MACF1: variants seen among roughly 807,000 people sequenced by gnomAD.
MACF1 encodes the protein microtubule-actin cross-linking factor 1.
MACF1 carries 193 observed loss-of-function variants against 854.8 expected under a neutral mutation model. That is an observed-to-expected ratio of 0.23 (90% confidence interval 0.20 to 0.25). The LOEUF (loss-of-function observed/expected upper bound fraction) is 0.25. Among genes scored for constraint, MACF1 ranks in the 10% least tolerant of loss-of-function variants. The pLI, the probability that MACF1 is intolerant of heterozygous loss-of-function variation, is 1.00. For missense variants in MACF1, 7,722 were observed against 8,929.1 expected (o/e 0.86, Z 5.45); for synonymous variants, 3,185 against 3,226.7 (o/e 0.99, Z 0.44).
At chr1:39,368,126 C>A (rs2148531999) in intron 49 of MACF1, 22 bp from the exon 50 acceptor site, 3 of 1,609,862 alleles carry the variant, frequency 1.9e-6, no homozygotes, top group East Asian at 2.2e-5. Context: ...GGATTTAATA[C>A]ATTTCCTTGT....
chr1:39,458,923 T>C (rs1644495885), intron 90 of MACF1, 163 bp from the exon 91 acceptor site: 1 of 639,682 alleles, frequency 1.6e-6, no homozygotes, highest in African/African-American at 1.8e-5. Context: ...TCAGTACTTT[T>C]GGAATTAGTA....
chr1:39,449,950 C>T (rs567738338), intron 84 of MACF1, among the ~76,000 whole-genome samples: 29 of 152,164 alleles, frequency 1.9e-4, no homozygotes, highest in African/African-American at 7.0e-4. Context: ...ACCTCCATCT[C>T]CCCGGTTCAA....
chr1:39,286,170 T>G (rs1197529873), intron 14 of MACF1, among the ~76,000 whole-genome samples: 4 of 152,018 alleles, frequency 2.6e-5, no homozygotes, highest in Non-Finnish European at 5.9e-5. Flanking sequence ...CAGGCTGCCA[T>G]GCCCAGCTAA....
intron 97 of MACF1, among the ~76,000 whole-genome samples, chr1:39,477,090 T>TAC (rs10563248): frequency 0.056 from 1,469 of 26,016 alleles, 45 homozygotes; most frequent in Admixed American, 0.083. Flanking sequence ...TATATATATA[T>TAC]ACACACACAC....
chr1:39,247,502 G>C (rs1374968280), intron 2 of MACF1, among the ~76,000 whole-genome samples: 1 of 152,082 alleles, frequency 6.6e-6, no homozygotes, highest in Non-Finnish European at 1.5e-5. Flanking sequence ...CTGTACTCTT[G>C]AGGTTATGTC....
chr1:39,337,277 T>G lies in MACF1; in HGVS notation c.10161T>G (p.Ile3387Met), dbSNP rs771614786. The change falls in exon 38 of 101, where the codon ATT (isoleucine) becomes ATG (methionine). Residue 3387 changes from isoleucine (I) to methionine (M), a missense_variant. Transcript: ENST00000564288. ...ACATTGAAATGAGGACCAAACAGAT[T>G]CAACCTTTGGAGCTAAACCTGGCAG... ...LRNIEMRTKQ[I>M]QPLELNLAEL... The G allele has an allele frequency of 6.2e-7, 1 of 1,614,124 alleles. No homozygotes were observed. Among genetic ancestry groups the G allele is most frequent in the Non-Finnish European group, 8.5e-7 (1 of 1,179,994 alleles).
At chr1:39,237,576 C>T (rs1197772251) in intron 2 of MACF1, among the ~76,000 whole-genome samples, 2 of 152,104 alleles carry the variant, frequency 1.3e-5, no homozygotes, top group African/African-American at 4.8e-5. Flanking sequence ...ATTTTAACAG[C>T]TAGGGAAAAT....
chr1:39,452,703 C>G lies in MACF1; in HGVS notation c.20633C>G (p.Thr6878Arg). ...TTTCAGGCGGAAGTGTTTCGAGACA[C>G]AGTCCACATGCTGTTGGAGTGGCTT... ...ALKQAEVFRDTVHMLLEWLSE... is the reference protein window; with the variant it reads ...ALKQAEVFRDRVHMLLEWLSE... The change falls in exon 87 of 101, where the codon ACA (threonine) becomes AGA (arginine). Residue 6878 changes from threonine to arginine, a missense_variant. Thr to Arg is a moderately conservative substitution (Grantham distance 71). This residue lies in a region of MACF1 where 729 missense variants were observed against 900.5 expected (regional missense o/e 0.81). Transcript: ENST00000564288. The G allele has an allele frequency of 6.2e-7, 1 of 1,613,362 alleles. No homozygotes were observed. The highest frequency in any genetic ancestry group is 8.5e-7 in the Non-Finnish European group (1 of 1,180,018).
chr1:39,257,721 G>A, intron 5 of MACF1: 1 of 505,212 alleles, frequency 2.0e-6, no homozygotes, highest in Non-Finnish European at 3.5e-6. Context: ...AGTAGGGTTT[G>A]ATTACAAGGA....
At position 39,284,568 on chromosome 1, in the gene MACF1, C is replaced by G. The variant is rs1645609196; in HGVS notation, c.1131+140C>G. The G allele has an allele frequency of 8.4e-6, 4 of 478,306 alleles. No individual in the cohort carries two copies. The East Asian group carries it at 1.4e-4, about 17-fold the overall frequency. The allele number at this position is 478,306 out of a possible 1,614,324, so 29.6% of individuals were successfully genotyped here. A position where few individuals can be genotyped will look rare whatever the true frequency, so the allele number is the denominator to read the frequency against. On this transcript the variant is annotated intron_variant, in intron 11 of 100. Transcript: ENST00000564288. The stretch of plus-strand genomic sequence containing the variant: ...CCTGGTGACAAATAATAGCACCACT[C>G]TCAGGCTGGTCTTAAAATGTTGTGG...
intron 2 of MACF1, among the ~76,000 whole-genome samples, chr1:39,234,673 G>A (rs1156748816): frequency 8.3e-6 from 1 of 121,194 alleles, no homozygotes; most frequent in Non-Finnish European, 1.8e-5. Flanking sequence ...CCCAGACGGG[G>A]TGGCTGTCGG....
chr1:39,230,937 A>G (rs1385913033), intron 1 of MACF1, among the ~76,000 whole-genome samples: 1 of 152,172 alleles, frequency 6.6e-6, no homozygotes, highest in Admixed American at 6.5e-5. Context: ...TTATTGTGCT[A>G]AGGAGACTTT....
In MACF1 at chr1:39,388,006, A is replaced by C; in HGVS notation, c.15164A>C (p.Gln5055Pro). 3 of 1,614,164 alleles carry C rather than the reference A, an allele frequency of 1.9e-6. No individual in the cohort carries two copies. Among genetic ancestry groups the C allele is most frequent in the Non-Finnish European group, 2.5e-6 (3 of 1,180,022 alleles). The change falls in exon 58 of 101, where the codon CAA becomes CCA. Residue 5055 changes from glutamine to proline, a missense_variant. By Grantham distance (76) the Gln-to-Pro change is moderately conservative. Around this residue, in one of 15 missense-constraint regions of MACF1, gnomAD observed 2,807 missense variants for 3,235.8 expected, o/e 0.87. Transcript: ENST00000564288. ...AAGAACCTGGAGAAGCTAAGAGCTCAACAGGAAGTGCTGCAGGCCCTAGAG... is the reference window on the plus strand; with the variant it reads ...AAGAACCTGGAGAAGCTAAGAGCTCCACAGGAAGTGCTGCAGGCCCTAGAG... ...SNKNLEKLRA[Q>P]QEVLQALEPQ...
intron 1 of MACF1, among the ~76,000 whole-genome samples, chr1:39,213,331 A>G (rs1479520638): frequency 3.3e-5 from 5 of 151,928 alleles, no homozygotes; most frequent in Non-Finnish European, 7.4e-5. Context: ...CAGATAATTT[A>G]TTTTTTTATT....
rs1644737052 is a variant in MACF1, at chr1:39,469,542, T to C, written c.21890-5T>C. 5 of 1,547,784 alleles carry C rather than the reference T, an allele frequency of 3.2e-6. No individual in the cohort carries two copies. The highest frequency in any genetic ancestry group is 2.7e-5 in the African/African-American group (2 of 73,104). On this transcript the variant is annotated splice_region_variant and splice_polypyrimidine_tract_variant and intron_variant, in intron 96 of 100. Transcript: ENST00000564288. ...TTCTTTCTGTTTACGTATTTTTTAT[T>C]CTAGTTCACCATCCTGGGAGTAAAA...
At chr1:39,247,949 G>A (rs1645000893) in intron 2 of MACF1, among the ~76,000 whole-genome samples, 1 of 152,208 alleles carries the variant, frequency 6.6e-6, no homozygotes, top group African/African-American at 2.4e-5. Context: ...TTGAACTCGG[G>A]AGGCAGAGGT....
At position 39,359,143 on chromosome 1, in the gene MACF1, G is replaced by T; in HGVS notation, c.12123G>T (p.Gln4041His). 6.2e-7 allele frequency: 1 copy of T among 1,614,000 alleles called. No individual in the cohort carries two copies. Among genetic ancestry groups the T allele is most frequent in the Non-Finnish European group, 8.5e-7 (1 of 1,179,994 alleles). Residue 4041 changes from glutamine to histidine, a missense_variant and splice_region_variant, in exon 47 of 101, where the codon CAG (glutamine) becomes CAT (histidine). By Grantham distance (24) the Gln-to-His change is conservative (BLOSUM62 0). Coordinates refer to ENST00000564288, the MANE Select transcript of MACF1 (RefSeq NM_001394062.1). ...TTGTTTTTTTCATGGACAAGCAGCA[G>T]TTGCAGGAGGAATTGGCTGAGCACC... ...VLQEQLATTK[Q>H]LQEELAEHQV... is the part of the protein sequence containing the mutation.
chr1:39,278,394 A>G (rs1350765526), intron 6 of MACF1, among the ~76,000 whole-genome samples: 3 of 152,328 alleles, frequency 2.0e-5, no homozygotes, highest in East Asian at 1.9e-4. Flanking sequence ...CCAAACATCT[A>G]TCTCATTACA....
intron 2 of MACF1, among the ~76,000 whole-genome samples, chr1:39,194,949 T>G (rs1644302641): frequency 6.6e-6 from 1 of 151,966 alleles, no homozygotes; most frequent in African/African-American, 2.4e-5. Flanking sequence ...CTGCCTCAGC[T>G]TCTCAAAGCG....
Sources: allele counts gnomAD v4.1 joint callset (sites outside exome capture counted in the v4.1 genomes callset), GRCh38; gene constraint gnomAD v4.1.1; regional missense constraint gnomAD v4.1.1; transcripts MANE v1.5; gene names NCBI Gene and HGNC (gene_info 2026-07-23, HGNC 2026-07-21).